The following DELE1 variants were observed in gnomAD, a reference collection of about 807,000 sequenced individuals.
DELE1 encodes DAP3 binding cell death enhancer 1.
In DELE1, 54 loss-of-function variants were observed where a neutral mutation model predicts 59.3. That is an observed-to-expected ratio of 0.91 (90% CI 0.73 to 1.14). The LOEUF is 1.14. Ranked by LOEUF, DELE1 falls within the 50% of genes most tolerant of loss-of-function variation. The pLI, the probability that DELE1 is intolerant of heterozygous loss-of-function variation, is 0.00. For missense variants in DELE1, 636 were observed against 643.9 expected (o/e 0.99, Z 0.13); for synonymous variants, 264 against 259.1 (o/e 1.02, Z -0.18).
At position 141,938,854 on chromosome 5, in the gene DELE1, A is replaced by G. The variant is rs1752574004; in HGVS notation, c.*95A>G. ...AGAGCATCAGCAACCCTTTCCAGGT[A>G]GAAATTCCAGCGGGAGTTCAGGTTC... On this transcript the variant is annotated 3_prime_UTR_variant, in exon 12 of 12. Transcript: ENST00000432126. The G allele has an allele frequency of 6.7e-7, 1 of 1,499,184 alleles. No homozygotes were observed. 92.9% of individuals were successfully genotyped at this position (1,499,184 alleles called of 1,614,324 possible).
In DELE1 at chr5:141,929,695, C is replaced by G. The variant is rs1300020447; in HGVS notation, c.526C>G (p.His176Asp). Residue 176 changes from histidine to aspartate, a missense_variant, in exon 5 of 12, where the codon CAC (histidine) becomes GAC (aspartate). His to Asp is a moderately conservative substitution (Grantham distance 81). Transcript: ENST00000432126. ...EASAQPRNFS[H>D]NSLRGARPQD... ...CTCAGCTCAGCCCCGGAACTTCTCA[C>G]ACAACTCTTTGAGAGGAGCTCGTCC... 2 of 1,614,200 alleles carry G rather than the reference C, an allele frequency of 1.2e-6. No homozygotes were observed. The highest frequency in any genetic ancestry group is 4.5e-5 in the East Asian group (2 of 44,884).
chr5:141,934,895 C>T (rs1210453305), intron 10 of DELE1: 1 of 381,894 alleles, frequency 2.6e-6, no homozygotes, highest in Non-Finnish European at 4.8e-6. Flanking sequence ...GCCAGTTGTT[C>T]AACATTTACC....
intron 9 of DELE1, 32 bp downstream of exon 9, chr5:141,934,430 C>G: frequency 6.2e-7 from 1 of 1,614,188 alleles, no homozygotes. Flanking sequence ...TGTTCAAGGT[C>G]TCTGAGGCCT....
At position 141,940,701 on chromosome 5, in the gene DELE1, C is replaced by A. The variant is rs1752687854; in HGVS notation, c.*1942C>A. The A allele has an allele frequency of 6.1e-6, 6 of 977,476 alleles. No individual in the cohort carries two copies. Among genetic ancestry groups the A allele is most frequent in the African/African-American group, 1.8e-5 (1 of 57,046 alleles). The allele number at this position is 977,476 out of a possible 1,614,324, so 60.6% of individuals were successfully genotyped here. A position where few individuals can be genotyped will look rare whatever the true frequency, so the allele number is the denominator to read the frequency against. On this transcript the variant is annotated 3_prime_UTR_variant, in exon 12 of 12. Coordinates refer to ENST00000432126, the MANE Select transcript of DELE1 (RefSeq NM_014773.5). ...CACACTGGCTCACCACTGTTGGACC[C>A]TGCACATGGCCACCTTCCACAGATG...
intron 10 of DELE1, 96 bp from the exon 11 acceptor site, chr5:141,937,101 GT>G: frequency 6.4e-7 from 1 of 1,568,412 alleles, no homozygotes; most frequent in Non-Finnish European, 8.7e-7. Context: ...TGTGGATGAA[GT>G]CCCAGCATGC....
Position 141,938,986 on chromosome 5 carries a change from C to T in DELE1, c.*227C>T, listed in dbSNP as rs1481464540. On this transcript the variant is annotated 3_prime_UTR_variant, in exon 12 of 12. Coordinates refer to ENST00000432126, the MANE Select transcript of DELE1 (RefSeq NM_014773.5). ...TTCACAGTCATTTCTGGTCTGTGCA[C>T]CAAAGGATGCATTCAGTGACCTATG... 7.3e-7 allele frequency: 1 copy of T among 1,366,588 alleles called. No homozygotes were observed. Among genetic ancestry groups the T allele is most frequent in the Non-Finnish European group, 9.4e-7 (1 of 1,061,520 alleles). The allele number at this position is 1,366,588 out of a possible 1,614,324, so 84.7% of individuals were successfully genotyped here.
At position 141,923,894 on chromosome 5, in the gene DELE1, T is replaced by C. The variant is rs1341125175; in HGVS notation, c.-48T>C. 5.1e-6 allele frequency: 8 copies of C among 1,575,984 alleles called. No homozygotes were observed. Among genetic ancestry groups the C allele is most frequent in the East Asian group, 4.7e-5 (2 of 42,746 alleles). ...GCCTTTCTAGCCGCTGTCCCAAGGG[T>C]TGGTCTCGCGCTTTCGGCTGCGAGC... On this transcript the variant is annotated 5_prime_UTR_variant, in exon 1 of 12. Coordinates refer to ENST00000432126, the MANE Select transcript of DELE1 (RefSeq NM_014773.5).
Position 141,929,666 on chromosome 5 carries a change from A to G in DELE1, c.497A>G (p.Glu166Gly). ...GLREPRLGQE[E>G]ASAQPRNFSH... is the part of the protein sequence containing the mutation. Reference sequence around the variant, plus strand: ...AGGGAACCCAGGCTTGGCCAGGAAGAAGCCTCAGCTCAGCCCCGGAACTTC... The same window carrying G: ...AGGGAACCCAGGCTTGGCCAGGAAGGAGCCTCAGCTCAGCCCCGGAACTTC... The change falls in exon 5 of 12, where the codon GAA becomes GGA. Residue 166 changes from glutamate to glycine, a missense_variant. Transcript: ENST00000432126. 1 of 1,614,220 alleles carries G rather than the reference A, an allele frequency of 6.2e-7. No homozygotes were observed. Among genetic ancestry groups the G allele is most frequent in the Non-Finnish European group, 8.5e-7 (1 of 1,180,032 alleles).
chr5:141,924,732 T>A, intron 2 of DELE1, 37 bp downstream of exon 2: 1 of 1,253,346 alleles, frequency 8.0e-7, no homozygotes, highest in South Asian at 1.3e-5. Flanking sequence ...TTTCCTCCCC[T>A]AGTCACCCTT....
Position 141,941,856 on chromosome 5 carries a change from C to T in DELE1, c.*3097C>T. 2.0e-6 allele frequency: 2 copies of T among 985,276 alleles called. No homozygotes were observed. Among genetic ancestry groups the T allele is most frequent in the Non-Finnish European group, 2.4e-6 (2 of 829,854 alleles). The allele number at this position is 985,276 out of a possible 1,614,324, so 61.0% of individuals were successfully genotyped here. On this transcript the variant is annotated 3_prime_UTR_variant, in exon 12 of 12. Transcript: ENST00000432126. ...ACTCCCCCCACCCAATGCCCAGCAC[C>T]AAGCCTACCCAGCACATAGTAGGTA... is the stretch of plus-strand genomic sequence containing the variant.
At chr5:141,928,123 C>T (rs755086680) in intron 3 of DELE1, 28 bp from the exon 4 acceptor site, 34 of 1,605,196 alleles carry the variant, frequency 2.1e-5, no homozygotes, top group South Asian at 1.8e-4. Flanking sequence ...GGTGAAGGAC[C>T]GTGTCCTTAA....
intron 11 of DELE1, among the ~76,000 whole-genome samples, chr5:141,938,110 GC>G (rs1752515102): frequency 6.6e-6 from 1 of 152,072 alleles, no homozygotes; most frequent in Admixed American, 6.5e-5. Context: ...ACAAGTGTGA[GC>G]CACCGCGCCC....
At position 141,928,255 on chromosome 5, in the gene DELE1, C is replaced by G. The variant is rs1473189508; in HGVS notation, c.369C>G (p.Pro123=). 1.2e-6 allele frequency: 2 copies of G among 1,614,200 alleles called. No individual in the cohort carries two copies. Among genetic ancestry groups the G allele is most frequent in the Non-Finnish European group, 1.7e-6 (2 of 1,180,018 alleles). ...QRVEHCSWHS[P]LDRFFSSPLW... The stretch of plus-strand genomic sequence containing the variant: ...TAGAACACTGCTCCTGGCACAGTCC[C>G]CTGGACCGTTTCTTCTCATCTCCCT... Residue 123 remains proline, a synonymous_variant, in exon 4 of 12, where the codon CCC becomes CCG. Transcript: ENST00000432126.
At chr5:141,929,965 C>T (rs746779925) in intron 5 of DELE1, 24 bp from the exon 6 acceptor site, 16 of 1,608,474 alleles carry the variant, frequency 9.9e-6, no homozygotes, top group Middle Eastern at 1.8e-4. Flanking sequence ...TTGCCCTGGC[C>T]GGGTGTCGGC....
intron 8 of DELE1, chr5:141,933,835 AG>A (rs1455552336): frequency 1.9e-5 from 3 of 158,826 alleles, no homozygotes; most frequent in African/African-American, 7.2e-5. Flanking sequence ...TGTCAGGGAA[AG>A]ACATTCATGG....
At chr5:141,925,840 A>G (rs1388431105) in intron 3 of DELE1, among the ~76,000 whole-genome samples, 2 of 115,870 alleles carry the variant, frequency 1.7e-5, no homozygotes, top group Non-Finnish European at 3.3e-5. Flanking sequence ...AAATAATAAT[A>G]CATTGCATCT....
rs1491157407 is a variant in DELE1, at chr5:141,929,126, A to AG, written c.413-455dup. ...TCCTCTGGAGGGAAGCCAAGGAAAC[A>AG]GAGGAGGAGGAGTGTGAAGGAAGTG... On this transcript the variant is annotated intron_variant, in intron 4 of 11. Coordinates refer to ENST00000432126, the MANE Select transcript of DELE1 (RefSeq NM_014773.5). Among the ~76,000 whole-genome samples, 4 of 152,278 alleles carry AG rather than the reference A, an allele frequency of 2.6e-5. No homozygotes were observed. In the East Asian group the frequency reaches 7.7e-4, roughly 29 times the overall value.
rs1245733351 is a variant in DELE1 at position 141,938,825 on chromosome 5, A to G, written c.*66A>G. 2 of 1,518,718 alleles carry G rather than the reference A, an allele frequency of 1.3e-6. No homozygotes were observed. The highest frequency in any genetic ancestry group is 1.8e-6 in the Non-Finnish European group (2 of 1,138,852). The allele number at this position is 1,518,718 out of a possible 1,614,324, so 94.1% of individuals were successfully genotyped here. On this transcript the variant is annotated 3_prime_UTR_variant, in exon 12 of 12. Transcript: ENST00000432126. ...GAGCGGGCAGGAGGTTGGATAACAAAAATAGAGCATCAGCAACCCTTTCCA... is the reference window on the plus strand; with the variant it reads ...GAGCGGGCAGGAGGTTGGATAACAAGAATAGAGCATCAGCAACCCTTTCCA...
chr5:141,938,511 C>A lies in DELE1; in HGVS notation c.1310-10C>A, dbSNP rs373575224. On this transcript the variant is annotated splice_polypyrimidine_tract_variant and intron_variant, in intron 11 of 11. Coordinates refer to ENST00000432126, the MANE Select transcript of DELE1 (RefSeq NM_014773.5). ...GCAAGAGTAAGAGTTGCTCTCACCT[C>A]TTCTTGTAGCCCCGGGGCCCAGCGA... is the stretch of plus-strand genomic sequence containing the variant. The A allele has an allele frequency of 5.0e-6, 8 of 1,612,858 alleles. No homozygotes were observed. The highest frequency in any genetic ancestry group is 4.0e-5 in the African/African-American group (3 of 74,866).
Sources: allele counts gnomAD v4.1 joint callset (sites outside exome capture counted in the v4.1 genomes callset), GRCh38; gene constraint gnomAD v4.1.1; transcripts MANE v1.5; gene names NCBI Gene and HGNC (gene_info 2026-07-23, HGNC 2026-07-21).